Variants in SUCLA2 observed in about 807,000 individuals in gnomAD.
SUCLA2 encodes the protein succinate-CoA ligase ADP-forming subunit beta.
Under a neutral mutation model 54.8 loss-of-function variants are expected in SUCLA2, and 30 were observed. The observed-to-expected ratio is 0.55, with a 90% confidence interval of 0.41 to 0.74. The LOEUF is 0.74. SUCLA2 is among the 30% of genes least tolerant of loss of function. SUCLA2 has a pLI of 0.00. For missense variants in SUCLA2, 476 were observed against 562.9 expected (o/e 0.85, Z 1.56); for synonymous variants, 172 against 188.9 (o/e 0.91, Z 0.74).
At chr13:47,943,717 A>G (rs1344252443) in intron 10 of SUCLA2, among the ~76,000 whole-genome samples, 1 of 148,884 alleles carries the variant, frequency 6.7e-6, no homozygotes, top group African/African-American at 2.5e-5. Context: ...AAGATTATAT[A>G]TGTGTGTATA....
intron 4 of SUCLA2, among the ~76,000 whole-genome samples, chr13:47,982,442 A>G (rs1175393824): frequency 1.3e-5 from 2 of 152,022 alleles, no homozygotes; most frequent in African/African-American, 4.8e-5. Context: ...GGGAAAAGGG[A>G]GCTGTTCAAT....
rs73489207 is a variant in SUCLA2 at position 47,949,734 on chromosome 13, C to A, written c.1108-131G>T. ...AAGATTTTCAGACCAAACCACAATA[C>A]CCTCTTCTAGCTCTCTTTATTGAAG... On this transcript the variant is annotated intron_variant, in intron 8 of 10. Transcript: ENST00000646932. 20,784 of 875,510 alleles carry A rather than the reference C, an allele frequency of 0.024. 808 individuals are homozygous for A. Among genetic ancestry groups the A allele is most frequent in the African/African-American group, 0.11 (6,281 of 59,502 alleles). The allele number at this position is 875,510 out of a possible 1,614,324, so 54.2% of individuals were successfully genotyped here.
chr13:47,961,248 T>C (rs911342382), intron 6 of SUCLA2, among the ~76,000 whole-genome samples: 4 of 152,204 alleles, frequency 2.6e-5, no homozygotes, highest in Admixed American at 6.5e-5. Flanking sequence ...AAGATTTTGT[T>C]TGCCTTCTGA....
chr13:48,000,111 A>C (rs192924829), intron 1 of SUCLA2, among the ~76,000 whole-genome samples: 4 of 151,880 alleles, frequency 2.6e-5, no homozygotes, highest in African/African-American at 9.7e-5. Flanking sequence ...CCCTAGGCTG[A>C]AAGTATGAAC....
In SUCLA2 at chr13:47,942,839, C is replaced by G. The variant is rs540026249; in HGVS notation, c.*532G>C. On this transcript the variant is annotated 3_prime_UTR_variant, in exon 11 of 11. Coordinates refer to ENST00000646932, the MANE Select transcript of SUCLA2 (RefSeq NM_003850.3). ...CAATGTTCAAATAATTACAAAGTTA[C>G]TTCATCAAAATACTTAGAAGAATAT... 1.9e-5 allele frequency: 3 copies of G among 154,182 alleles called. No individual in the cohort carries two copies. Among genetic ancestry groups the G allele is most frequent in the African/African-American group, 7.2e-5 (3 of 41,540 alleles). The allele number at this position is 154,182 out of a possible 1,614,324, so 9.6% of individuals were successfully genotyped here. A position where few individuals can be genotyped will look rare whatever the true frequency, so the allele number is the denominator to read the frequency against.
rs7999687 is a variant in SUCLA2, at chr13:47,972,048, C to A, written c.663+1216G>T. 108 of 389,270 alleles carry A rather than the reference C, an allele frequency of 2.8e-4. 1 individual carries two copies. Among genetic ancestry groups the A allele is most frequent in the African/African-American group, 2.0e-3 (98 of 48,514 alleles). The allele number at this position is 389,270 out of a possible 1,614,324, so 24.1% of individuals were successfully genotyped here. A position where few individuals can be genotyped will look rare whatever the true frequency, so the allele number is the denominator to read the frequency against. On this transcript the variant is annotated intron_variant, in intron 5 of 10. Transcript: ENST00000646932. ...GGTGGATCACCTGATGTCAGGAGTTCAAGACCAGCATGGCCAACATAGCAA... is the reference window on the plus strand; with the variant it reads ...GGTGGATCACCTGATGTCAGGAGTTAAAGACCAGCATGGCCAACATAGCAA...
At position 47,943,068 on chromosome 13, in the gene SUCLA2, C is replaced by A; in HGVS notation, c.*303G>T. 1 of 358,268 alleles carries A rather than the reference C, an allele frequency of 2.8e-6. No individual in the cohort carries two copies. 22.2% of individuals were successfully genotyped at this position (358,268 alleles called of 1,614,324 possible). A position where few individuals can be genotyped will look rare whatever the true frequency, so the allele number is the denominator to read the frequency against. On this transcript the variant is annotated 3_prime_UTR_variant, in exon 11 of 11. Transcript: ENST00000646932. Reference sequence around the variant, plus strand: ...TTTATCTTATTTATAGGACTCTTATCAATGAAGAACTTTGTATCCAACAAT... The same window carrying A: ...TTTATCTTATTTATAGGACTCTTATAAATGAAGAACTTTGTATCCAACAAT...
intron 9 of SUCLA2, 48 bp downstream of exon 9, chr13:47,949,435 G>T (rs1949759524): frequency 1.9e-6 from 3 of 1,607,702 alleles, no homozygotes; most frequent in East Asian, 2.2e-5. Context: ...ATGGAAATGT[G>T]AACTTTTAAA....
chr13:47,982,549 C>T (rs1197743123), intron 4 of SUCLA2, among the ~76,000 whole-genome samples: 1 of 151,940 alleles, frequency 6.6e-6, no homozygotes, highest in African/African-American at 2.4e-5. Flanking sequence ...ACAAAATGTG[C>T]ACAAATTGTT....
intron 2 of SUCLA2, among the ~76,000 whole-genome samples, chr13:47,995,700 GATT>G (rs1467523380): frequency 6.6e-6 from 1 of 152,116 alleles, no homozygotes; most frequent in East Asian, 1.9e-4. Flanking sequence ...ATAGAAGAGA[GATT>G]ATTTATGCTA....
At chr13:47,950,762 T>G (rs1021291598) in intron 8 of SUCLA2, among the ~76,000 whole-genome samples, 11 of 152,110 alleles carry the variant, frequency 7.2e-5, no homozygotes, top group Non-Finnish European at 1.5e-4. Context: ...CCTCAATTCT[T>G]GGGGCAGCTA....
intron 8 of SUCLA2, 75 bp from the exon 9 acceptor site, chr13:47,949,678 T>C (rs550828046): frequency 7.0e-7 from 1 of 1,427,874 alleles, no homozygotes; most frequent in Non-Finnish European, 9.8e-7. Context: ...TACTAGTATA[T>C]GTGCTTCATG....
intron 2 of SUCLA2, among the ~76,000 whole-genome samples, chr13:47,993,532 T>C (rs941995369): frequency 6.6e-6 from 1 of 152,150 alleles, no homozygotes; most frequent in African/African-American, 2.4e-5. Context: ...TACAGGACAA[T>C]GCCTCTCAAC....
intron 1 of SUCLA2, among the ~76,000 whole-genome samples, chr13:47,999,179 A>C (rs1950210378): frequency 6.8e-6 from 1 of 147,450 alleles, no homozygotes; most frequent in Non-Finnish European, 1.5e-5. Context: ...TCCCAGTTTA[A>C]ATTTTTAAAA....
At chr13:47,972,842 G>A (rs1949979212) in intron 5 of SUCLA2, among the ~76,000 whole-genome samples, 1 of 149,336 alleles carries the variant, frequency 6.7e-6, no homozygotes, top group African/African-American at 2.5e-5. Flanking sequence ...CCGCCTCCTG[G>A]GTTCAAGCGA....
At chr13:47,943,766 G>GTGTGTATATATATATATATATATA (rs1300486540) in intron 10 of SUCLA2, among the ~76,000 whole-genome samples, 1 of 139,672 alleles carries the variant, frequency 7.2e-6, no homozygotes, top group African/African-American at 2.7e-5. Context: ...GTGTGTGTGT[G>GTGTGTATATATATATATATATATA]TATATATATA....
At chr13:47,943,523 A>T in intron 10 of SUCLA2, 78 bp from the exon 11 acceptor site, 3 of 1,309,912 alleles carry the variant, frequency 2.3e-6, no homozygotes, top group Non-Finnish European at 3.3e-6. Context: ...ATGTACACTC[A>T]ATTTTTTCCA....
chr13:47,956,013 G>T (rs1593480842), intron 6 of SUCLA2, among the ~76,000 whole-genome samples: 1 of 152,098 alleles, frequency 6.6e-6, no homozygotes, highest in Non-Finnish European at 1.5e-5. Flanking sequence ...CTCCCAAAAT[G>T]CACAGTGTAT....
chr13:47,992,096 G>A (rs181233033), intron 2 of SUCLA2, among the ~76,000 whole-genome samples: 1 of 152,252 alleles, frequency 6.6e-6, no homozygotes, highest in East Asian at 1.9e-4. Context: ...TATATCCGAA[G>A]AAGAGAACTA....
Sources: allele counts gnomAD v4.1 joint callset (sites outside exome capture counted in the v4.1 genomes callset), GRCh38; gene constraint gnomAD v4.1.1; transcripts MANE v1.5; gene names NCBI Gene and HGNC (gene_info 2026-07-23, HGNC 2026-07-21).